FOXO1: variants seen among roughly 807,000 people sequenced by gnomAD.
The protein encoded by FOXO1 is forkhead box protein O1.
Under a neutral mutation model 44.1 loss-of-function variants are expected in FOXO1, and 6 were observed. That is an observed-to-expected ratio of 0.14 (90% CI 0.07 to 0.27). The LOEUF is 0.27. Among genes scored for constraint, FOXO1 ranks in the 10% least tolerant of loss-of-function variants. The pLI, the probability that FOXO1 is intolerant of heterozygous loss-of-function variation, is 1.00. For synonymous variants in FOXO1, 380 were observed against 362.7 expected (o/e 1.05, Z -0.54); for missense variants, 737 against 888.8 (o/e 0.83, Z 2.17).
At chr13:40,564,609 A>G (rs1874187577) in intron 1 of FOXO1, among the ~76,000 whole-genome samples, 1 of 152,202 alleles carries the variant, frequency 6.6e-6, no homozygotes, top group South Asian at 2.1e-4. Flanking sequence ...ATGGAAGAGC[A>G]GTTCACCAGA....
intron 1 of FOXO1, among the ~76,000 whole-genome samples, chr13:40,617,726 G>T (rs1323672415): frequency 6.6e-6 from 1 of 152,126 alleles, no homozygotes; most frequent in Non-Finnish European, 1.5e-5. Flanking sequence ...TAGGAAAAAA[G>T]ATGTAAGTAA....
intron 1 of FOXO1, among the ~76,000 whole-genome samples, chr13:40,564,613 C>G (rs1349267408): frequency 2.0e-5 from 3 of 152,156 alleles, no homozygotes; most frequent in African/African-American, 7.2e-5. Flanking sequence ...AAGAGCAGTT[C>G]ACCAGAAGGA....
intron 1 of FOXO1, among the ~76,000 whole-genome samples, chr13:40,659,992 G>A (rs567534649): frequency 6.6e-6 from 1 of 152,266 alleles, no homozygotes; most frequent in Non-Finnish European, 1.5e-5. Context: ...AACTGGCAAA[G>A]AGGAAGATGT....
At position 40,666,123 on chromosome 13, in the gene FOXO1, C is replaced by T. The variant is rs1261114320; in HGVS notation, c.90G>A (p.Pro30=). Residue 30 remains proline, a synonymous_variant, in exon 1 of 3, where the codon CCG becomes CCA. Coordinates refer to ENST00000379561, the MANE Select transcript of FOXO1 (RefSeq NM_002015.4). ...PRSCTWPLPR[P]EFSQSNSATS... is the part of the protein sequence containing the mutation. ...TGGCCGAGTTGGACTGGCTAAACTCCGGCCTGGGCAGCGGCCAGGTGCACG... is the reference window on the plus strand; with the variant it reads ...TGGCCGAGTTGGACTGGCTAAACTCTGGCCTGGGCAGCGGCCAGGTGCACG... 1 of 1,445,272 alleles carries T rather than the reference C, an allele frequency of 6.9e-7. No individual in the cohort carries two copies. The highest frequency in any genetic ancestry group is 9.1e-7 in the Non-Finnish European group (1 of 1,101,926). The allele number at this position is 1,445,272 out of a possible 1,614,324, so 89.5% of individuals were successfully genotyped here. A position where few individuals can be genotyped will look rare whatever the true frequency, so the allele number is the denominator to read the frequency against.
chr13:40,555,738 A>G lies in FOXO1; in HGVS notation c.*3311T>C, dbSNP rs1322334994. On this transcript the variant is annotated 3_prime_UTR_variant, in exon 3 of 3. Coordinates refer to ENST00000379561, the MANE Select transcript of FOXO1 (RefSeq NM_002015.4). The stretch of plus-strand genomic sequence containing the variant: ...TCCTAATAAAGAGCTTATTCTGCAT[A>G]ATTAGAAAAGAAAGACACCAAGCCA... 1 of 152,676 alleles carries G rather than the reference A, an allele frequency of 6.5e-6. No homozygotes were observed. The highest frequency in any genetic ancestry group is 2.4e-5 in the African/African-American group (1 of 41,458). 9.5% of individuals were successfully genotyped at this position (152,676 alleles called of 1,614,324 possible). A position where few individuals can be genotyped will look rare whatever the true frequency, so the allele number is the denominator to read the frequency against.
intron 1 of FOXO1, among the ~76,000 whole-genome samples, chr13:40,565,051 A>G (rs77653733): frequency 9.8e-4 from 144 of 147,108 alleles, no homozygotes; most frequent in African/African-American, 3.4e-3. Context: ...GAGTTCCTTA[A>G]AGAGCAAATG....
intron 1 of FOXO1, among the ~76,000 whole-genome samples, chr13:40,664,807 A>ACGCCAC (rs571800667): frequency 4.8e-4 from 72 of 149,662 alleles, no homozygotes; most frequent in Non-Finnish European, 7.6e-4. Flanking sequence ...GGCCCCTCCC[A>ACGCCAC]CGCCACCGCC....
At chr13:40,631,767 G>T (rs1237166834) in intron 1 of FOXO1, among the ~76,000 whole-genome samples, 1 of 152,152 alleles carries the variant, frequency 6.6e-6, no homozygotes, top group African/African-American at 2.4e-5. Flanking sequence ...GAAGAAGGAG[G>T]AAATGCGAAG....
At chr13:40,622,845 C>T (rs1876660524) in intron 1 of FOXO1, among the ~76,000 whole-genome samples, 1 of 152,162 alleles carries the variant, frequency 6.6e-6, no homozygotes, top group Non-Finnish European at 1.5e-5. Flanking sequence ...CTAAGGATCA[C>T]TATAAGTAAG....
intron 1 of FOXO1, among the ~76,000 whole-genome samples, chr13:40,565,846 C>T (rs965147960): frequency 6.6e-6 from 1 of 152,138 alleles, no homozygotes; most frequent in Non-Finnish European, 1.5e-5. Context: ...ATGTCATAAA[C>T]ATTAGTCTTA....
chr13:40,559,981 T>G lies in FOXO1; in HGVS notation c.1510A>C (p.Met504Leu). 6.2e-7 allele frequency: 1 copy of G among 1,614,186 alleles called. No homozygotes were observed. Among genetic ancestry groups the G allele is most frequent in the Non-Finnish European group, 8.5e-7 (1 of 1,180,042 alleles). The change falls in exon 2 of 3, where the codon ATG (methionine) becomes CTG (leucine). Residue 504 changes from methionine (M) to leucine (L), a missense_variant. This residue lies in a region of FOXO1 where 283 missense variants were observed against 278.1 expected (regional missense o/e 1.02). Transcript: ENST00000379561. ...GATGCCTGGCTGCCATAGGTTGACATGACCGAATTAGGGCCCATCATGACG... is the reference window on the plus strand; with the variant it reads ...GATGCCTGGCTGCCATAGGTTGACAGGACCGAATTAGGGCCCATCATGACG... Reference protein sequence around the residue: ...QNVMMGPNSVMSTYGSQASHN... With the variant: ...QNVMMGPNSVLSTYGSQASHN...
At chr13:40,583,155 GA>G (rs1277024309) in intron 1 of FOXO1, among the ~76,000 whole-genome samples, 2 of 152,144 alleles carry the variant, frequency 1.3e-5, no homozygotes, top group East Asian at 3.8e-4. Flanking sequence ...TTAATATTTT[GA>G]ATCTTTCATC....
chr13:40,573,478 A>G (rs1874625505), intron 1 of FOXO1, among the ~76,000 whole-genome samples: 1 of 152,196 alleles, frequency 6.6e-6, no homozygotes, highest in Non-Finnish European at 1.5e-5. Flanking sequence ...AGAAGGGAGA[A>G]TGTCAGGTAG....
At chr13:40,605,384 G>C (rs890393263) in intron 1 of FOXO1, among the ~76,000 whole-genome samples, 1 of 152,066 alleles carries the variant, frequency 6.6e-6, no homozygotes, top group African/African-American at 2.4e-5. Flanking sequence ...GCTCACAGTT[G>C]GTGCTTAAAA....
At chr13:40,620,923 CGA>C (rs1318096568) in intron 1 of FOXO1, among the ~76,000 whole-genome samples, 3 of 151,256 alleles carry the variant, frequency 2.0e-5, no homozygotes, top group Non-Finnish European at 4.4e-5. Context: ...CTCAGCCTCC[CGA>C]GTAGCTGGGA....
intron 1 of FOXO1, among the ~76,000 whole-genome samples, chr13:40,589,755 G>A (rs1875300132): frequency 6.6e-6 from 1 of 152,194 alleles, no homozygotes; most frequent in Admixed American, 6.5e-5. Context: ...TGCTTCTCAT[G>A]TCAACAGCAG....
rs1873832019 is a variant in FOXO1 at position 40,558,222 on chromosome 13, A to T, written c.*827T>A. On this transcript the variant is annotated 3_prime_UTR_variant, in exon 3 of 3. Transcript: ENST00000379561. ...TTACAAGCTGACTATGTAACAAAGTAGACTCTAGTTTTAAGAAAACATTAT... is the reference window on the plus strand; with the variant it reads ...TTACAAGCTGACTATGTAACAAAGTTGACTCTAGTTTTAAGAAAACATTAT... 1 of 152,684 alleles carries T rather than the reference A, an allele frequency of 6.5e-6. No homozygotes were observed. The highest frequency in any genetic ancestry group is 1.5e-5 in the Non-Finnish European group (1 of 68,038). The allele number at this position is 152,684 out of a possible 1,614,324, so 9.5% of individuals were successfully genotyped here. A position where few individuals can be genotyped will look rare whatever the true frequency, so the allele number is the denominator to read the frequency against.
chr13:40,645,053 T>C lies in FOXO1; in HGVS notation c.630+20530A>G, dbSNP rs147940338. ...AGCTCAATGACAACAGCTGGTGACA[T>C]GCACATCTAGAATACTGAAATGGCT... On this transcript the variant is annotated intron_variant, in intron 1 of 2. Coordinates refer to ENST00000379561, the MANE Select transcript of FOXO1 (RefSeq NM_002015.4). Among the ~76,000 whole-genome samples, 7 of 152,338 alleles carry C rather than the reference T, an allele frequency of 4.6e-5. No individual in the cohort carries two copies. In the East Asian group the frequency reaches 1.3e-3, roughly 29 times the overall value.
intron 1 of FOXO1, among the ~76,000 whole-genome samples, chr13:40,655,816 G>A (rs1011010409): frequency 6.6e-6 from 1 of 151,650 alleles, no homozygotes; most frequent in Non-Finnish European, 1.5e-5. Flanking sequence ...CTAATTTTTT[G>A]TATTTTTAGT....
Sources: allele counts gnomAD v4.1 joint callset (sites outside exome capture counted in the v4.1 genomes callset), GRCh38; gene constraint gnomAD v4.1.1; regional missense constraint gnomAD v4.1.1; transcripts MANE v1.5; gene names NCBI Gene and HGNC (gene_info 2026-07-23, HGNC 2026-07-21).